Variants in TEX11 observed in about 807,000 individuals in gnomAD.
TEX11 encodes testis-expressed protein 11.
A neutral mutation model predicts 84.4 loss-of-function variants in TEX11; 7 were observed. The ratio of observed to expected loss-of-function variants is 0.08; its 90% CI spans 0.05 to 0.16. The LOEUF is 0.16. Among genes scored for constraint, TEX11 ranks in the 10% least tolerant of loss-of-function variants. The pLI is 1.00. For synonymous variants in TEX11, 264 were observed against 222.8 expected (o/e 1.18, Z -1.64); for missense variants, 551 against 660.5 (o/e 0.83, Z 1.82).
intron 25 of TEX11, among the ~76,000 whole-genome samples, chrX:70,576,076 C>T (rs2088670106): frequency 8.9e-6 from 1 of 111,984 alleles, no homozygotes; most frequent in Admixed American, 9.5e-5. Context: ...TTAATAAATA[C>T]TTTGCAGAAT....
intron 25 of TEX11, among the ~76,000 whole-genome samples, chrX:70,557,724 AT>A (rs1187456676): frequency 9.0e-6 from 1 of 111,552 alleles, no homozygotes; most frequent in Non-Finnish European, 1.9e-5. Flanking sequence ...CAGCTCAGTT[AT>A]TTTTTTCAGA....
chrX:70,651,465 C>T lies in TEX11; in HGVS notation c.1468G>A (p.Gly490Ser), dbSNP rs2089810089. The T allele has an allele frequency of 2.5e-6, 3 of 1,194,783 alleles. No individual in the cohort carries two copies. Among genetic ancestry groups the T allele is most frequent in the Admixed American group, 2.2e-5 (1 of 45,302 alleles). ...AAATTTATACCTCTTTCAGAGTTGC[C>T]CTCTATGACTGCAATCTTGAATATA... ...FYIFKIAVIE[G>S]NSERALQAII... is the part of the protein sequence containing the mutation. The change falls in exon 17 of 30, where the codon GGC becomes AGC. Residue 490 changes from glycine to serine, a missense_variant. Gly to Ser is a moderately conservative substitution (Grantham distance 56). Coordinates refer to ENST00000374333, the MANE Select transcript of TEX11 (RefSeq NM_031276.3).
intron 9 of TEX11, among the ~76,000 whole-genome samples, chrX:70,774,764 T>G (rs2090991699): frequency 9.0e-6 from 1 of 111,316 alleles, no homozygotes; most frequent in Non-Finnish European, 1.9e-5. Flanking sequence ...TGTATATTAT[T>G]AAAGTGACCA....
chrX:70,602,288 T>A (rs1156594678), intron 24 of TEX11, among the ~76,000 whole-genome samples: 1 of 110,939 alleles, frequency 9.0e-6, no homozygotes, highest in Non-Finnish European at 1.9e-5. Context: ...TGAACATTGA[T>A]GCAAAAATCC....
At chrX:70,599,601 T>C (rs1266119554) in intron 24 of TEX11, among the ~76,000 whole-genome samples, 2 of 108,967 alleles carry the variant, frequency 1.8e-5, no homozygotes, top group Admixed American at 9.7e-5. Context: ...ACATGTGCCA[T>C]GCTGGTGCGC....
chrX:70,795,014 C>A (rs2091147839), intron 9 of TEX11, among the ~76,000 whole-genome samples: 1 of 108,796 alleles, frequency 9.2e-6, no homozygotes, highest in African/African-American at 3.4e-5. Context: ...TGGGGTAGAG[C>A]ACCAAGCAGT....
chrX:70,631,390 T>C (rs1399180714), intron 17 of TEX11, among the ~76,000 whole-genome samples: 2 of 112,243 alleles, frequency 1.8e-5, no homozygotes, highest in African/African-American at 6.5e-5. Flanking sequence ...CACATCTAAA[T>C]AATCCACAAG....
At chrX:70,730,115 T>C (rs752347189) in intron 11 of TEX11, among the ~76,000 whole-genome samples, 1 of 111,762 alleles carries the variant, frequency 8.9e-6, no homozygotes, top group African/African-American at 3.2e-5. Flanking sequence ...TGCTGAGAGA[T>C]TCTGTCACCA....
intron 2 of TEX11, chrX:70,897,644 GAAGGA>G (rs1473385173): frequency 1.1e-5 from 1 of 89,213 alleles, no homozygotes; most frequent in African/African-American, 4.4e-5. Context: ...AGGAAGGAAG[GAAGGA>G]AGGAAGGAAG....
chrX:70,804,188 G>A (rs753984318), intron 9 of TEX11, among the ~76,000 whole-genome samples: 4 of 111,907 alleles, frequency 3.6e-5, no homozygotes, highest in South Asian at 3.7e-4. Flanking sequence ...AGCAGTTTCC[G>A]TTTGTTAAGC....
At chrX:70,584,481 T>G (rs889726604) in intron 25 of TEX11, among the ~76,000 whole-genome samples, 1 of 111,721 alleles carries the variant, frequency 9.0e-6, no homozygotes, top group Admixed American at 9.5e-5. Flanking sequence ...TAAAGAAGAA[T>G]AAACAGCAGT....
At position 70,783,541 on chromosome X, in the gene TEX11, G is replaced by A. The variant is rs1282803277; in HGVS notation, c.692+23164C>T. Among the ~76,000 whole-genome samples the A allele has an allele frequency of 4.5e-5, 5 of 111,430 alleles. 1 individual carries two copies. In the Admixed American group the frequency reaches 4.8e-4, roughly 11 times the overall value. ...AAAACATCAATGAATCCAAGAGCTG[G>A]ATTTTTGAAAAGATCAACAAAATTG... On this transcript the variant is annotated intron_variant, in intron 9 of 29. Transcript: ENST00000374333.
intron 17 of TEX11, among the ~76,000 whole-genome samples, chrX:70,638,010 G>A (rs926347391): frequency 9.1e-6 from 1 of 109,883 alleles, no homozygotes; most frequent in South Asian, 4.0e-4. Context: ...CAACAAAAGG[G>A]CAAATATCTG....
intron 24 of TEX11, among the ~76,000 whole-genome samples, chrX:70,598,776 C>G (rs907496296): frequency 8.9e-6 from 1 of 112,059 alleles, no homozygotes; most frequent in Admixed American, 9.5e-5. Context: ...TCAGAAAAGA[C>G]TACACATCAA....
chrX:70,597,518 G>A (rs1211717153), intron 24 of TEX11, among the ~76,000 whole-genome samples: 1 of 111,313 alleles, frequency 9.0e-6, no homozygotes, highest in East Asian at 2.8e-4. Flanking sequence ...TAATTCAAGG[G>A]GAAAAAACAG....
chrX:70,575,254 T>TA (rs1400644353), intron 25 of TEX11, among the ~76,000 whole-genome samples: 2 of 111,447 alleles, frequency 1.8e-5, no homozygotes, highest in African/African-American at 6.5e-5. Flanking sequence ...AACTAGGTGA[T>TA]ACTAGTGGCC....
At chrX:70,596,952 A>G (rs1441553975) in intron 24 of TEX11, among the ~76,000 whole-genome samples, 1 of 111,885 alleles carries the variant, frequency 8.9e-6, no homozygotes, top group African/African-American at 3.2e-5. Context: ...CTGACCTTAC[A>G]AAAATAAAGA....
the TEX11 span, among the ~76,000 whole-genome samples, chrX:70,518,514 A>C: frequency 1.8e-5 from 2 of 111,989 alleles, no homozygotes; most frequent in Admixed American, 9.6e-5. Context: ...CTGTTCTTTT[A>C]CATTTGCTGA....
intron 24 of TEX11, among the ~76,000 whole-genome samples, chrX:70,593,903 C>A (rs1387225541): frequency 9.0e-6 from 1 of 110,569 alleles, no homozygotes. Flanking sequence ...TTAGGCACAC[C>A]AATATACCCA....
Sources: allele counts gnomAD v4.1 joint callset (sites outside exome capture counted in the v4.1 genomes callset), GRCh38; gene constraint gnomAD v4.1.1; transcripts MANE v1.5; gene names NCBI Gene and HGNC (gene_info 2026-07-23, HGNC 2026-07-21).